The following DNAH12 variants were observed in gnomAD, a reference collection of about 807,000 sequenced individuals.
The protein encoded by DNAH12 is axonemal beta dynein heavy chain 12.
Under a neutral mutation model 371.5 loss-of-function variants are expected in DNAH12, and 285 were observed. That is an observed-to-expected ratio of 0.77 (90% CI 0.70 to 0.85). The LOEUF (loss-of-function observed/expected upper bound fraction) is 0.85, where lower values mean the gene tolerates loss of function less well. Among genes scored for constraint, DNAH12 ranks in the 40% least tolerant of loss-of-function variants. The pLI, the probability that DNAH12 is intolerant of heterozygous loss-of-function variation, is 0.00. For missense variants in DNAH12, 3,611 were observed against 3,689.4 expected (o/e 0.98, Z 0.55); for synonymous variants, 1,200 against 1,213.0 (o/e 0.99, Z 0.22).
chr3:57,440,274 A>G (rs917385894), intron 29 of DNAH12, among the ~76,000 whole-genome samples: 1 of 152,246 alleles, frequency 6.6e-6, no homozygotes, highest in Non-Finnish European at 1.5e-5. Context: ...CATGGAATCA[A>G]CCTAGGTGCC....
chr3:57,480,432 G>T (rs2066698262), intron 13 of DNAH12, among the ~76,000 whole-genome samples: 1 of 151,698 alleles, frequency 6.6e-6, no homozygotes, highest in African/African-American at 2.4e-5. Flanking sequence ...ATAATTAATA[G>T]CTTACCAACC....
intron 44 of DNAH12, among the ~76,000 whole-genome samples, chr3:57,392,454 T>C (rs1220083631): frequency 2.0e-5 from 3 of 152,014 alleles, no homozygotes; most frequent in Non-Finnish European, 2.9e-5. Flanking sequence ...AAATAATAAA[T>C]TGGTGTCTCA....
chr3:57,321,466 A>G (rs944796762), intron 65 of DNAH12, among the ~76,000 whole-genome samples: 3 of 152,182 alleles, frequency 2.0e-5, no homozygotes, highest in Non-Finnish European at 2.9e-5. Context: ...CATGTGCCCA[A>G]TTAATAATGT....
At chr3:57,457,631 A>T (rs1222859167) in intron 22 of DNAH12, 90 bp downstream of exon 22, 1 of 1,329,762 alleles carries the variant, frequency 7.5e-7, no homozygotes, top group East Asian at 2.5e-5. Flanking sequence ...AAATAGTAAG[A>T]ACTTTAAGTG....
chr3:57,423,768 T>A lies in DNAH12; in HGVS notation c.5373+1254A>T, dbSNP rs951694248. ...GACTTCTCCCTACCTGAGGCCTCCA[T>A]GGATTCTGCCTCCAACACTCCACCT... On this transcript the variant is annotated intron_variant, in intron 35 of 73. Transcript: ENST00000495027. Among the ~76,000 whole-genome samples the A allele has an allele frequency of 2.0e-5, 3 of 152,322 alleles. No individual in the cohort carries two copies. In the East Asian group the frequency reaches 5.8e-4, roughly 29 times the overall value.
intron 40 of DNAH12, among the ~76,000 whole-genome samples, chr3:57,407,194 G>A (rs531144081): frequency 6.7e-6 from 1 of 149,690 alleles, no homozygotes; most frequent in East Asian, 2.0e-4. Context: ...ACTGCGCCCA[G>A]CCAACGTTTT....
intron 55 of DNAH12, among the ~76,000 whole-genome samples, chr3:57,369,320 T>C (rs1211007334): frequency 7.0e-6 from 1 of 142,528 alleles, no homozygotes; most frequent in Non-Finnish European, 1.5e-5. Context: ...ATAAATTATA[T>C]ATATTTAATA....
At chr3:57,520,412 C>CTTTTTA (rs979307184) in intron 4 of DNAH12, among the ~76,000 whole-genome samples, 1 of 147,714 alleles carries the variant, frequency 6.8e-6, no homozygotes, top group Non-Finnish European at 1.5e-5. Context: ...TTTTCTTTTC[C>CTTTTTA]TTTTTATTTT....
chr3:57,383,809 GAAGA>G (rs1285975334), intron 49 of DNAH12, among the ~76,000 whole-genome samples: 1 of 151,080 alleles, frequency 6.6e-6, no homozygotes, highest in Non-Finnish European at 1.5e-5. Flanking sequence ...CTGAGAGCAT[GAAGA>G]AAGAATATAG....
At chr3:57,373,377 G>A (rs928502734) in intron 55 of DNAH12, among the ~76,000 whole-genome samples, 14 of 150,618 alleles carry the variant, frequency 9.3e-5, no homozygotes, top group East Asian at 3.9e-4. Flanking sequence ...GTGCAGTGGC[G>A]CAATCTTGGC....
Position 57,446,705 on chromosome 3 carries a change from CAT to C in DNAH12, c.3787-18_3787-17del. ...AAGCACCTATCTGAAATGAAAAACACATGTGAAAAGAAATCCATGCTTAAATT... is the reference window on the plus strand; with the variant it reads ...AAGCACCTATCTGAAATGAAAAACACGTGAAAAGAAATCCATGCTTAAATT... On this transcript the variant is annotated splice_polypyrimidine_tract_variant and intron_variant, in intron 25 of 73. Transcript: ENST00000495027. 1 of 1,474,322 alleles carries C rather than the reference CAT, an allele frequency of 6.8e-7. No homozygotes were observed. Among genetic ancestry groups the C allele is most frequent in the South Asian group, 1.4e-5 (1 of 72,644 alleles). The allele number at this position is 1,474,322 out of a possible 1,614,324, so 91.3% of individuals were successfully genotyped here.
At chr3:57,311,225 G>A (rs1259553172) in intron 66 of DNAH12, among the ~76,000 whole-genome samples, 1 of 152,100 alleles carries the variant, frequency 6.6e-6, no homozygotes, top group Non-Finnish European at 1.5e-5. Flanking sequence ...ACAGGAGTGT[G>A]CCACCACGCC....
intron 71 of DNAH12, 124 bp from the exon 72 acceptor site, chr3:57,296,559 A>T: frequency 1.2e-6 from 1 of 812,880 alleles, no homozygotes. Flanking sequence ...TTGTTAAACT[A>T]TACATTTTTT....
intron 29 of DNAH12, among the ~76,000 whole-genome samples, chr3:57,440,569 T>C (rs2065270482): frequency 6.6e-6 from 1 of 152,154 alleles, no homozygotes; most frequent in Admixed American, 6.5e-5. Flanking sequence ...AACTAACTAT[T>C]GGGTACTATG....
chr3:57,317,346 T>C (rs2061707977), intron 65 of DNAH12, among the ~76,000 whole-genome samples: 1 of 152,148 alleles, frequency 6.6e-6, no homozygotes. Flanking sequence ...CCTTGCATAA[T>C]TGAGACACTA....
rs71088060 is a variant in DNAH12, at chr3:57,342,484, CAAAAAAAA to C, written c.9675-7552_9675-7545del. ...TGAAACCCTATCTCTACTAAAAATA[CAAAAAAAA>C]AAAAAAAAAAAAAAAATTAGCCGGG... On this transcript the variant is annotated intron_variant, in intron 60 of 73. Coordinates refer to ENST00000495027, the MANE Select transcript of DNAH12 (RefSeq NM_001366028.2). 7.1e-4 allele frequency among the ~76,000 whole-genome samples: 47 copies of C among 66,052 alleles called. 2 individuals carry two copies. In the East Asian group the frequency reaches 0.018, roughly 25 times the overall value. 43.3% of individuals were successfully genotyped at this position (66,052 alleles called of 152,430 possible).
At chr3:57,406,178 C>G (rs1219482524) in intron 40 of DNAH12, among the ~76,000 whole-genome samples, 1 of 151,946 alleles carries the variant, frequency 6.6e-6, no homozygotes, top group African/African-American at 2.4e-5. Context: ...TGGCAAAACC[C>G]TGTCTCTACT....
intron 40 of DNAH12, among the ~76,000 whole-genome samples, chr3:57,406,737 A>C (rs1553681388): frequency 6.6e-6 from 1 of 152,168 alleles, no homozygotes; most frequent in East Asian, 1.9e-4. Flanking sequence ...CTTCCCTTCT[A>C]TCTCTTATTC....
intron 45 of DNAH12, among the ~76,000 whole-genome samples, chr3:57,390,105 A>C (rs1441471219): frequency 2.0e-5 from 3 of 148,866 alleles, no homozygotes; most frequent in Admixed American, 6.7e-5. Context: ...AAGTGCTGGG[A>C]TTACAGGCGT....
Sources: gnomAD v4.1 joint callset for allele counts (sites outside exome capture counted in the v4.1 genomes callset) on GRCh38, gnomAD v4.1.1 for gene constraint, MANE v1.5 for transcripts, NCBI Gene and HGNC (gene_info 2026-07-23, HGNC 2026-07-21) for gene names.